The following IGF2R variants were observed in gnomAD, a reference collection of about 807,000 sequenced individuals.
IGF2R encodes the protein cation-independent mannose-6-phosphate receptor.
In IGF2R, 91 loss-of-function variants were observed where a neutral mutation model predicts 270.6. The ratio of observed to expected loss-of-function variants is 0.34; its 90% CI spans 0.28 to 0.40. The LOEUF (loss-of-function observed/expected upper bound fraction) is 0.40, where lower values mean the gene tolerates loss of function less well. Among genes scored for constraint, IGF2R ranks in the 10% least tolerant of loss-of-function variants. The probability of loss-of-function intolerance (pLI) is 1.00; values close to 1 mark genes in which losing one functional copy is unlikely to be tolerated. For missense variants in IGF2R, 2,805 were observed against 3,188.3 expected (o/e 0.88, Z 2.90); for synonymous variants, 1,316 against 1,258.9 (o/e 1.05, Z -0.96).
rs559945419 is a variant in IGF2R at position 160,010,603 on chromosome 6, A to G, written c.415-84A>G. ...TTGCTGCTGCTTTCTTTATTTTAGT[A>G]GCCTTTACTGCATTCTCATTTTAAA... On this transcript the variant is annotated intron_variant, in intron 3 of 47. Coordinates refer to ENST00000356956, the MANE Select transcript of IGF2R (RefSeq NM_000876.4). The G allele has an allele frequency of 1.3e-4, 111 of 849,652 alleles. 1 individual carries two copies. The highest frequency in any genetic ancestry group is 6.5e-4 in the African/African-American group (38 of 58,472). 52.6% of individuals were successfully genotyped at this position (849,652 alleles called of 1,614,324 possible).
chr6:160,008,957 T>G (rs1226082154), intron 2 of IGF2R, 53 bp from the exon 3 acceptor site: 1 of 1,579,134 alleles, frequency 6.3e-7, no homozygotes, highest in Non-Finnish European at 8.7e-7. Flanking sequence ...TGGAAATAGC[T>G]GTTTGGTTAT....
intron 18 of IGF2R, among the ~76,000 whole-genome samples, chr6:160,049,835 G>A (rs942977984): frequency 1.3e-5 from 2 of 152,262 alleles, no homozygotes; most frequent in East Asian, 3.9e-4. Context: ...CCTGATGTGC[G>A]GCCAGTCAGT....
In IGF2R at chr6:160,079,606, C is replaced by T. The variant is rs918196052; in HGVS notation, c.5505C>T (p.Ser1835=). Residue 1835 remains serine, a synonymous_variant, in exon 38 of 48, where the codon AGC becomes AGT. Coordinates refer to ENST00000356956, the MANE Select transcript of IGF2R (RefSeq NM_000876.4). Reference sequence around the variant, plus strand: ...TGACTCGCGACTCGCGCACCTACAGCGTTGGGGTGTGCACCTTTGCAGTCG... The same window carrying T: ...TGACTCGCGACTCGCGCACCTACAGTGTTGGGGTGTGCACCTTTGCAGTCG... ...FKVTRDSRTY[S]VGVCTFAVGP... 35 of 1,508,626 alleles carry T rather than the reference C, an allele frequency of 2.3e-5. No individual in the cohort carries two copies. The highest frequency in any genetic ancestry group is 2.7e-5 in the Non-Finnish European group (30 of 1,128,502). 93.5% of individuals were successfully genotyped at this position (1,508,626 alleles called of 1,614,324 possible). A position where few individuals can be genotyped will look rare whatever the true frequency, so the allele number is the denominator to read the frequency against.
rs758129169 is a variant in IGF2R at position 160,084,005 on chromosome 6, T to G, written c.5889T>G (p.Ile1963Met). The G allele has an allele frequency of 8.7e-6, 14 of 1,614,100 alleles. No individual in the cohort carries two copies. The South Asian group carries it at 1.5e-4, about 18-fold the overall frequency. ...TTAAGTGTGATGAAGATGAGGACATTGGGAGGCCACAAGTCTTCAGTGAAG... is the reference window on the plus strand; with the variant it reads ...TTAAGTGTGATGAAGATGAGGACATGGGGAGGCCACAAGTCTTCAGTGAAG... ...IIFKCDEDEDIGRPQVFSEVR... is the reference protein window; with the variant it reads ...IIFKCDEDEDMGRPQVFSEVR... Residue 1963 changes from isoleucine to methionine, a missense_variant, in exon 40 of 48, where the codon ATT (isoleucine) becomes ATG (methionine). Around this residue, in one of 2 missense-constraint regions of IGF2R, gnomAD observed 1,851 missense variants for 2,207.2 expected, o/e 0.84. Transcript: ENST00000356956. The surrounding 1 kb of genome is among the most constrained non-coding windows in gnomAD (Gnocchi z 4.6).
chr6:160,055,183 C>T (rs181019514), intron 19 of IGF2R, among the ~76,000 whole-genome samples: 9 of 152,232 alleles, frequency 5.9e-5, no homozygotes, highest in East Asian at 3.9e-4. Flanking sequence ...TGGTGTTCCA[C>T]GGGGAGATGC....
intron 29 of IGF2R, among the ~76,000 whole-genome samples, chr6:160,066,665 C>T (rs892931932): frequency 6.6e-6 from 1 of 152,094 alleles, no homozygotes; most frequent in Non-Finnish European, 1.5e-5. Flanking sequence ...TTGGAACCTT[C>T]TATAACTCTA....
In IGF2R at chr6:160,064,549, GC is replaced by G; in HGVS notation, c.4017+21del. 2 of 1,613,148 alleles carry G rather than the reference GC, an allele frequency of 1.2e-6. No individual in the cohort carries two copies. Among genetic ancestry groups the G allele is most frequent in the Non-Finnish European group, 1.7e-6 (2 of 1,179,388 alleles). On this transcript the variant is annotated intron_variant, in intron 28 of 47. Coordinates refer to ENST00000356956, the MANE Select transcript of IGF2R (RefSeq NM_000876.4). ...CCCAGCGGGTGAGCATGTACCGACG[GC>G]CCTCAGCGGGGTCTTCTCCCCACCC... is the stretch of plus-strand genomic sequence containing the variant.
At chr6:160,038,765 T>G (rs187338587) in intron 10 of IGF2R, among the ~76,000 whole-genome samples, 2 of 152,148 alleles carry the variant, frequency 1.3e-5, no homozygotes, top group East Asian at 3.9e-4. Flanking sequence ...TTAAAGACAG[T>G]GGCTTAGTGT....
chr6:159,972,548 C>T (rs1783626071), intron 1 of IGF2R, among the ~76,000 whole-genome samples: 1 of 152,160 alleles, frequency 6.6e-6, no homozygotes, highest in Non-Finnish European at 1.5e-5. Flanking sequence ...CCTCCCAAGC[C>T]CAGCTCTCTA....
intron 2 of IGF2R, among the ~76,000 whole-genome samples, chr6:159,994,446 C>T (rs1784022693): frequency 6.6e-6 from 1 of 151,134 alleles, no homozygotes; most frequent in Admixed American, 6.6e-5. Context: ...GTCTCAATTT[C>T]GTTTAGTTCT....
intron 41 of IGF2R, among the ~76,000 whole-genome samples, chr6:160,086,522 C>T (rs375615542): frequency 1.8e-4 from 27 of 152,294 alleles, no homozygotes; most frequent in African/African-American, 5.1e-4. Flanking sequence ...CGTTGTCATC[C>T]GTTTCACAGG....
At chr6:160,093,590 G>C (rs545142897) in intron 44 of IGF2R, 40 of 682,518 alleles carry the variant, frequency 5.9e-5, no homozygotes, top group Admixed American at 1.3e-4. Flanking sequence ...CATCAACCCA[G>C]TGGGGGACTG....
chr6:160,029,801 G>A, intron 7 of IGF2R, 146 bp downstream of exon 7: 6 of 608,728 alleles, frequency 9.9e-6, no homozygotes, highest in Admixed American at 2.8e-5. Context: ...CTCAGGAGAA[G>A]ACAAGCTTCC....
chr6:160,102,784 A>C lies in IGF2R; in HGVS notation c.6995+113A>C. The C allele has an allele frequency of 8.1e-7, 1 of 1,241,566 alleles. No individual in the cohort carries two copies. The highest frequency in any genetic ancestry group is 1.1e-6 in the Non-Finnish European group (1 of 908,174). 76.9% of individuals were successfully genotyped at this position (1,241,566 alleles called of 1,614,324 possible). On this transcript the variant is annotated intron_variant, in intron 46 of 47. Transcript: ENST00000356956. This position sits in a 1 kb window ranked among gnomAD's most constrained non-coding sequence, Gnocchi z 4.5. The stretch of plus-strand genomic sequence containing the variant: ...TTGTTTTTAAGCCCTACAGCAGCGA[A>C]GGCTCGAGGTTCTTAGTCCAAAACT...
chr6:160,029,537 G>A lies in IGF2R; in HGVS notation c.777-13G>A, dbSNP rs1338409304. 1 of 1,567,604 alleles carries A rather than the reference G, an allele frequency of 6.4e-7. No homozygotes were observed. Among genetic ancestry groups the A allele is most frequent in the Admixed American group, 1.7e-5 (1 of 59,940 alleles). On this transcript the variant is annotated splice_polypyrimidine_tract_variant and intron_variant, in intron 6 of 47. Coordinates refer to ENST00000356956, the MANE Select transcript of IGF2R (RefSeq NM_000876.4). ...ACTTTTGTAATACTCTTTTCTCAAT[G>A]TGGCTCTCCCAGGCTTGTCCTGAGT...
intron 41 of IGF2R, among the ~76,000 whole-genome samples, chr6:160,087,233 C>T (rs1165240453): frequency 3.9e-5 from 6 of 152,192 alleles, no homozygotes; most frequent in African/African-American, 1.4e-4. Flanking sequence ...TCACTTTTTC[C>T]ATTCTGTGCT....
intron 36 of IGF2R, among the ~76,000 whole-genome samples, chr6:160,076,850 G>C (rs1230574424): frequency 6.6e-6 from 1 of 152,242 alleles, no homozygotes; most frequent in African/African-American, 2.4e-5. Context: ...CTGGGGGTGT[G>C]AGAATTGCCT....
intron 19 of IGF2R, among the ~76,000 whole-genome samples, chr6:160,055,193 C>T (rs1778285511): frequency 1.3e-5 from 2 of 152,152 alleles, no homozygotes; most frequent in African/African-American, 4.8e-5. Context: ...CGGGGAGATG[C>T]CTAGGTTGCC....
intron 44 of IGF2R, among the ~76,000 whole-genome samples, chr6:160,091,008 G>A (rs528730346): frequency 6.9e-6 from 1 of 144,424 alleles, no homozygotes; most frequent in African/African-American, 2.6e-5. Context: ...AGAAGGAGCG[G>A]GTGCTCTGTG....
Sources: allele counts gnomAD v4.1 joint callset (sites outside exome capture counted in the v4.1 genomes callset), GRCh38; gene constraint gnomAD v4.1.1; regional missense constraint gnomAD v4.1.1; non-coding constraint Gnocchi (gnomAD v3.1); transcripts MANE v1.5; gene names NCBI Gene and HGNC (gene_info 2026-07-23, HGNC 2026-07-21).